The following SLC4A4 variants were observed in gnomAD, a reference collection of about 807,000 sequenced individuals.
The protein encoded by SLC4A4 is solute carrier family 4 member 4.
A neutral mutation model predicts 111.5 loss-of-function variants in SLC4A4; 27 were observed. The observed-to-expected ratio is 0.24, with a 90% CI of 0.18 to 0.33. The LOEUF (loss-of-function observed/expected upper bound fraction) is 0.33. Among genes scored for constraint, SLC4A4 ranks in the 10% least tolerant of loss-of-function variants. SLC4A4 has a pLI of 1.00. For synonymous variants in SLC4A4, 443 were observed against 463.4 expected (o/e 0.96, Z 0.57); for missense variants, 909 against 1,315.5 (o/e 0.69, Z 4.78).
intron 7 of SLC4A4, among the ~76,000 whole-genome samples, chr4:71,431,331 A>T (rs1723629306): frequency 6.6e-6 from 1 of 152,078 alleles, no homozygotes; most frequent in Non-Finnish European, 1.5e-5. Flanking sequence ...AGCCTCTCTG[A>T]TGAGAAGGTC....
intron 3 of SLC4A4, chr4:71,301,230 G>A: frequency 4.1e-6 from 1 of 243,854 alleles, no homozygotes; most frequent in South Asian, 4.7e-5. Context: ...GTTAGCAAGG[G>A]GAGTGGGATT....
intron 6 of SLC4A4, among the ~76,000 whole-genome samples, chr4:71,393,414 A>G (rs1006420290): frequency 6.6e-6 from 1 of 152,152 alleles, no homozygotes; most frequent in Non-Finnish European, 1.5e-5. Flanking sequence ...CCCCTTTTAC[A>G]ATAGCTGCAA....
intron 7 of SLC4A4, among the ~76,000 whole-genome samples, chr4:71,418,851 G>A (rs1722062840): frequency 6.6e-6 from 1 of 152,192 alleles, no homozygotes; most frequent in Non-Finnish European, 1.5e-5. Context: ...TGATGATGGT[G>A]ATGTACAGAC....
intron 6 of SLC4A4, among the ~76,000 whole-genome samples, chr4:71,374,710 T>A (rs1732190831): frequency 6.6e-6 from 1 of 151,742 alleles, no homozygotes; most frequent in Non-Finnish European, 1.5e-5. Context: ...TATTTCAGAA[T>A]ACTGGGGACT....
chr4:71,529,359 A>T (rs1463293947), intron 16 of SLC4A4, among the ~76,000 whole-genome samples: 1 of 152,134 alleles, frequency 6.6e-6, no homozygotes, highest in Non-Finnish European at 1.5e-5. Context: ...CAACAGTATT[A>T]TACCTTAAAT....
intron 6 of SLC4A4, among the ~76,000 whole-genome samples, chr4:71,363,508 A>C (rs956266620): frequency 3.3e-5 from 5 of 152,030 alleles, no homozygotes; most frequent in African/African-American, 1.2e-4. Flanking sequence ...CATCCCCCCA[A>C]CTGCCCCATA....
At position 71,336,581 on chromosome 4, in the gene SLC4A4, AT is replaced by A. The variant is rs59409165; in HGVS notation, c.254-2781del. ...GTACAACTTATGATACAGAGCATGC[AT>A]TTTTTTTCAATGCCTAGACAAACTG... On this transcript the variant is annotated intron_variant, in intron 3 of 25. Transcript: ENST00000264485. 9.5e-3 allele frequency among the ~76,000 whole-genome samples: 1,439 copies of A among 151,900 alleles called. 23 individuals are homozygous for A. Among genetic ancestry groups the A allele is most frequent in the African/African-American group, 0.031 (1,295 of 41,430 alleles).
chr4:71,370,399 C>T (rs1000167584), intron 6 of SLC4A4, among the ~76,000 whole-genome samples: 4 of 152,202 alleles, frequency 2.6e-5, no homozygotes, highest in African/African-American at 9.7e-5. Flanking sequence ...CTGCAAGAAT[C>T]AAGCATTTCT....
At chr4:71,391,577 G>GACCAAGTACCTCCAACC (rs1719274137) in intron 6 of SLC4A4, among the ~76,000 whole-genome samples, 1 of 152,026 alleles carries the variant, frequency 6.6e-6, no homozygotes, top group African/African-American at 2.4e-5. Context: ...TGCCAAGTGG[G>GACCAAGTACCTCCAACC]TACTTTGAAA....
At chr4:71,493,733 C>T (rs569887185) in intron 15 of SLC4A4, among the ~76,000 whole-genome samples, 48 of 109,630 alleles carry the variant, frequency 4.4e-4, no homozygotes, top group South Asian at 1.0e-3. Context: ...TCCCATCAAT[C>T]TCTTTTCCTT....
At chr4:71,098,635 C>T (rs76755155) in intron 2 of SLC4A4, among the ~76,000 whole-genome samples, 4,083 of 152,038 alleles carry the variant, frequency 0.027, 177 homozygotes, top group African/African-American at 0.083. Flanking sequence ...TGAATATGAA[C>T]GCATTAAATG....
At chr4:71,544,776 G>C (rs1014656142) in intron 18 of SLC4A4, among the ~76,000 whole-genome samples, 1 of 151,934 alleles carries the variant, frequency 6.6e-6, no homozygotes. Flanking sequence ...ATAGTTCTCC[G>C]TAGTACTTAT....
Position 71,132,562 on chromosome 4 carries a change from T to C in SLC4A4, c.-2+39770T>C, listed in dbSNP as rs115107102. Among the ~76,000 whole-genome samples, 190 of 152,288 alleles carry C rather than the reference T, an allele frequency of 1.2e-3. 1 individual carries two copies. The highest frequency in any genetic ancestry group is 3.4e-3 in the Middle Eastern group (1 of 294). On this transcript the variant is annotated intron_variant, in intron 2 of 26. Transcript: ENST00000649996. Reference sequence around the variant, plus strand: ...AGCAAGGGTAGGGAATGAGTTAAATTGTGCCTGGATACAGAGGGACAGACA... The same window carrying C: ...AGCAAGGGTAGGGAATGAGTTAAATCGTGCCTGGATACAGAGGGACAGACA...
chr4:71,389,868 T>C lies in SLC4A4; in HGVS notation c.731-7709T>C, dbSNP rs967698786. On this transcript the variant is annotated intron_variant, in intron 6 of 25. Transcript: ENST00000264485. ...CTCTAGGCTCTTGGAGTTTACATTA[T>C]ATAAAATAAAAACAAACTTTAAAAA... Among the ~76,000 whole-genome samples the C allele has an allele frequency of 6.6e-5, 10 of 152,056 alleles. 1 individual carries two copies. The highest frequency in any genetic ancestry group is 5.9e-4 in the Admixed American group (9 of 15,270).
At chr4:71,323,840 A>C (rs1727302343) in intron 3 of SLC4A4, among the ~76,000 whole-genome samples, 1 of 151,710 alleles carries the variant, frequency 6.6e-6, no homozygotes, top group Non-Finnish European at 1.5e-5. Flanking sequence ...TTGTTTTGGC[A>C]TCCCCAAACT....
intron 6 of SLC4A4, among the ~76,000 whole-genome samples, chr4:71,360,463 T>A (rs921179476): frequency 6.6e-6 from 1 of 152,164 alleles, no homozygotes; most frequent in South Asian, 2.1e-4. Context: ...AGAAAAAAAT[T>A]GAAGAACTTT....
At chr4:71,475,957 T>C (rs979080535) in intron 14 of SLC4A4, among the ~76,000 whole-genome samples, 1 of 151,826 alleles carries the variant, frequency 6.6e-6, no homozygotes, top group African/African-American at 2.4e-5. Context: ...CTTCTAGGCA[T>C]ACATTGTAGG....
rs768124053 is a variant in SLC4A4, at chr4:71,357,035, C to T, written c.578C>T (p.Thr193Ile). 20 of 1,614,068 alleles carry T rather than the reference C, an allele frequency of 1.2e-5. 1 individual carries two copies. In the South Asian group the frequency reaches 2.0e-4, roughly 16 times the overall value. Residue 193 changes from threonine (T) to isoleucine (I), a missense_variant, in exon 6 of 26, where the codon ACA (threonine) becomes ATA (isoleucine). Thr to Ile is a moderately conservative substitution (Grantham distance 89). This residue lies in a region of SLC4A4 where 312 missense variants were observed against 402.0 expected (regional missense o/e 0.78). Transcript: ENST00000264485. ...ATGATTGTTGACCATCAGATTGAGA[C>T]AGGCCTATTGAAACCTGAACTTAAG... Reference protein sequence around the residue: ...VEMIVDHQIETGLLKPELKDK... With the variant: ...VEMIVDHQIEIGLLKPELKDK...
rs138059694 is a variant in SLC4A4, at chr4:71,068,061, C to CTTTTTTTTTTTTTTTTTTTTTT, written c.-65+5273_-65+5274insTTTTTTTTTTTTTTTTTTTTTT. Among the ~76,000 whole-genome samples, 4 of 132,374 alleles carry CTTTTTTTTTTTTTTTTTTTTTT rather than the reference C, an allele frequency of 3.0e-5. 2 individuals are homozygous for CTTTTTTTTTTTTTTTTTTTTTT. The highest frequency in any genetic ancestry group is 5.8e-5 in the African/African-American group (2 of 34,398). The allele number at this position is 132,374 out of a possible 152,430, so 86.8% of individuals were successfully genotyped here. A position where few individuals can be genotyped will look rare whatever the true frequency, so the allele number is the denominator to read the frequency against. ...ACTGCATATGGCCTTTTTGAACAAA[C>CTTTTTTTTTTTTTTTTTTTTTT]GTTTTTTTTTTTTTTTTTTTGAGAT... On this transcript the variant is annotated intron_variant, in intron 1 of 26. Coordinates refer to the SLC4A4 transcript ENST00000649996.
Sources: allele counts gnomAD v4.1 joint callset (sites outside exome capture counted in the v4.1 genomes callset), GRCh38; gene constraint gnomAD v4.1.1; regional missense constraint gnomAD v4.1.1; transcripts MANE v1.5; gene names NCBI Gene and HGNC (gene_info 2026-07-23, HGNC 2026-07-21).